DLEU7: variants seen among roughly 807,000 people sequenced by gnomAD.
DLEU7 encodes leukemia-associated protein 7.
In DLEU7, 17 loss-of-function variants were observed where a neutral mutation model predicts 16.0. The ratio of observed to expected loss-of-function variants is 1.06; its 90% CI spans 0.73 to 1.59. DLEU7 has a LOEUF of 1.59. Among genes scored for constraint, DLEU7 ranks in the 40% most tolerant of loss-of-function variants. The pLI, the probability that DLEU7 is intolerant of heterozygous loss-of-function variation, is 0.00. For synonymous variants in DLEU7, 113 were observed against 139.8 expected, an observed-to-expected ratio of 0.81 and a Z score of 1.35; for missense variants, 308 against 314.9, an observed-to-expected ratio of 0.98 and a Z score of 0.17.
intron 1 of DLEU7, among the ~76,000 whole-genome samples, chr13:50,799,252 C>A (rs938507973): frequency 6.6e-6 from 1 of 152,178 alleles, no homozygotes; most frequent in Non-Finnish European, 1.5e-5. Context: ...GAGATAATCA[C>A]AATCTGGACT....
intron 1 of DLEU7, among the ~76,000 whole-genome samples, chr13:50,765,805 G>T (rs1424367609): frequency 6.6e-6 from 1 of 152,184 alleles, no homozygotes; most frequent in Non-Finnish European, 1.5e-5. Context: ...GGCCATTGTT[G>T]TGGAGGCACT....
chr13:50,743,152 G>C (rs1874299864), intron 1 of DLEU7, among the ~76,000 whole-genome samples: 4 of 151,976 alleles, frequency 2.6e-5, no homozygotes, highest in Admixed American at 2.6e-4. Context: ...GAGAGAGAGA[G>C]AGAGAATGAA....
At chr13:50,725,153 C>G (rs540478881) in intron 1 of DLEU7, among the ~76,000 whole-genome samples, 2 of 152,238 alleles carry the variant, frequency 1.3e-5, no homozygotes, top group Non-Finnish European at 2.9e-5. Flanking sequence ...ACCTACCTTG[C>G]CTCCACTGGC....
chr13:50,733,544 C>T (rs1873978497), intron 1 of DLEU7, among the ~76,000 whole-genome samples: 1 of 152,054 alleles, frequency 6.6e-6, no homozygotes, highest in African/African-American at 2.4e-5. Context: ...GGATCTATCT[C>T]CCCACCAGCT....
chr13:50,713,692 C>T (rs990526060), intron 1 of DLEU7, among the ~76,000 whole-genome samples: 1 of 152,076 alleles, frequency 6.6e-6, no homozygotes, highest in African/African-American at 2.4e-5. Flanking sequence ...TTGTTCCTGG[C>T]GTCATAAGCC....
At chr13:50,752,692 G>C (rs1874607739) in intron 1 of DLEU7, among the ~76,000 whole-genome samples, 1 of 151,914 alleles carries the variant, frequency 6.6e-6, no homozygotes, top group Non-Finnish European at 1.5e-5. Context: ...ATTCCTGCCA[G>C]TGGGTTCGTG....
At chr13:50,712,604 A>G (rs1022130658) in exon 2 of DLEU7, 2 of 152,708 alleles carry the variant, frequency 1.3e-5, no homozygotes, top group African/African-American at 4.8e-5. Context: ...AACAAAATTT[A>G]TAGCAGCAAA....
chr13:50,777,074 C>T (rs1373191687), intron 1 of DLEU7, among the ~76,000 whole-genome samples: 1 of 152,212 alleles, frequency 6.6e-6, no homozygotes, highest in African/African-American at 2.4e-5. Flanking sequence ...GGGATAAATG[C>T]TCCAGAGCTT....
chr13:50,761,473 G>C (rs1874929291), intron 1 of DLEU7, among the ~76,000 whole-genome samples: 1 of 152,142 alleles, frequency 6.6e-6, no homozygotes, highest in South Asian at 2.1e-4. Context: ...AAGGACATGT[G>C]GGATCCCTAG....
chr13:50,838,460 T>A lies in DLEU7; in HGVS notation c.459+4728A>T, dbSNP rs369990663. Among the ~76,000 whole-genome samples, 76 of 152,372 alleles carry A rather than the reference T, an allele frequency of 5.0e-4. 3 individuals are homozygous for A. In the South Asian group the frequency reaches 0.016, roughly 31 times the overall value. On this transcript the variant is annotated intron_variant, in intron 1 of 1. Coordinates refer to ENST00000504404, the MANE Select transcript of DLEU7 (RefSeq NM_001306135.2). ...ACTTCGTAATTGGCTTGGCTAACGG[T>A]CCATATGTGAATTAGTCATTTTCAG...
chr13:50,713,937 G>A (rs768062866), intron 1 of DLEU7, among the ~76,000 whole-genome samples: 6 of 152,164 alleles, frequency 3.9e-5, no homozygotes, highest in Non-Finnish European at 7.3e-5. Context: ...CTCCCGGACC[G>A]GGCAGTAGGG....
intron 1 of DLEU7, among the ~76,000 whole-genome samples, chr13:50,738,995 A>ACACACACACG (rs1440527775): frequency 1.1e-5 from 1 of 89,750 alleles, no homozygotes; most frequent in East Asian, 3.0e-4. Flanking sequence ...ACACACACAC[A>ACACACACACG]CACACACACG....
chr13:50,729,606 A>G (rs574667486), intron 1 of DLEU7, among the ~76,000 whole-genome samples: 117 of 152,352 alleles, frequency 7.7e-4, no homozygotes, highest in African/African-American at 2.8e-3. Context: ...AGAAATTACC[A>G]AACTGCTTTC....
chr13:50,841,816 A>T (rs925307107), intron 1 of DLEU7, among the ~76,000 whole-genome samples: 3 of 152,058 alleles, frequency 2.0e-5, no homozygotes, highest in Admixed American at 6.6e-5. Flanking sequence ...TGACAGGATT[A>T]AAAAAAATTT....
downstream of DLEU7, chr13:50,711,779 G>GGGGGGGGGGGC (rs1555287138): frequency 4.4e-5 from 6 of 135,682 alleles, 1 homozygote; most frequent in African/African-American, 1.9e-4. Flanking sequence ...TGGCGGGGGC[G>GGGGGGGGGGGC]GGGGGCATTA....
downstream of DLEU7, among the ~76,000 whole-genome samples, chr13:50,821,864 C>T (rs1237979181): frequency 2.0e-5 from 3 of 152,086 alleles, no homozygotes; most frequent in Non-Finnish European, 4.4e-5. Context: ...AAGACCTCAT[C>T]ATAAAAGAAA....
intron 1 of DLEU7, among the ~76,000 whole-genome samples, chr13:50,713,855 C>T (rs1469996790): frequency 2.0e-5 from 3 of 152,154 alleles, no homozygotes; most frequent in African/African-American, 7.2e-5. Context: ...AGTTGTCTCC[C>T]ACCTGCCTCC....
chr13:50,831,885 G>A (rs573564278), intron 1 of DLEU7, among the ~76,000 whole-genome samples: 76 of 152,298 alleles, frequency 5.0e-4, no homozygotes, highest in South Asian at 2.5e-3. Context: ...GATTCAGTTT[G>A]CCAGTATTTT....
intron 1 of DLEU7, among the ~76,000 whole-genome samples, chr13:50,790,901 T>C (rs1370352979): frequency 6.6e-6 from 1 of 152,136 alleles, no homozygotes; most frequent in African/African-American, 2.4e-5. Flanking sequence ...TAGCATGTTA[T>C]TGCCCAAGCT....
Sources: gnomAD v4.1 joint callset for allele counts (sites outside exome capture counted in the v4.1 genomes callset) on GRCh38, gnomAD v4.1.1 for gene constraint, MANE v1.5 for transcripts, NCBI Gene and HGNC (gene_info 2026-07-23, HGNC 2026-07-21) for gene names.